Variants in MYT1L observed in about 807,000 individuals in gnomAD.
MYT1L encodes the protein myelin transcription factor 1 like, also known as myelin transcription factor 1-like protein.
A neutral mutation model predicts 126.7 loss-of-function variants in MYT1L; 12 were observed. That is an observed-to-expected ratio of 0.09 (90% CI 0.06 to 0.15). MYT1L has a LOEUF of 0.15. MYT1L is among the 10% of genes least tolerant of loss of function. The pLI, the probability that MYT1L is intolerant of heterozygous loss-of-function variation, is 1.00. For synonymous variants in MYT1L, 541 were observed against 604.2 expected (o/e 0.90, Z 1.53); for missense variants, 979 against 1,585.2 (o/e 0.62, Z 6.49).
chr2:2,024,637 C>T (rs1425554543), intron 4 of MYT1L, among the ~76,000 whole-genome samples: 1 of 152,122 alleles, frequency 6.6e-6, no homozygotes, highest in African/African-American at 2.4e-5. Flanking sequence ...TTTGTTGTTG[C>T]CATTGGTTTT....
In MYT1L at chr2:2,014,300, C is replaced by T. The variant is rs774539198; in HGVS notation, c.-157-16953G>A. Among the ~76,000 whole-genome samples, 27 of 151,950 alleles carry T rather than the reference C, an allele frequency of 1.8e-4. No individual in the cohort carries two copies. The Middle Eastern group carries it at 0.014, about 77-fold the overall frequency. ...ATAACCAGCCCTTGTCCTTGTGAAC[C>T]GCCTTTTGTGGGCGGTCTCCAAGTT... is the stretch of plus-strand genomic sequence containing the variant. On this transcript the variant is annotated intron_variant, in intron 4 of 24. Transcript: ENST00000647738.
chr2:2,126,863 C>T (rs2081769098), intron 3 of MYT1L, among the ~76,000 whole-genome samples: 1 of 152,186 alleles, frequency 6.6e-6, no homozygotes, highest in African/African-American at 2.4e-5. Flanking sequence ...ATTTTCATTC[C>T]TTGAGTTTCA....
chr2:2,044,978 A>G (rs1001912175), intron 4 of MYT1L, among the ~76,000 whole-genome samples: 1 of 152,168 alleles, frequency 6.6e-6, no homozygotes, highest in African/African-American at 2.4e-5. Flanking sequence ...TGGCACAAGT[A>G]GGAGGTGTTT....
At position 1,868,238 on chromosome 2, in the gene MYT1L, C is replaced by T. The variant is rs545503485; in HGVS notation, c.2712-16535G>A. Among the ~76,000 whole-genome samples, 6 of 152,326 alleles carry T rather than the reference C, an allele frequency of 3.9e-5. 1 individual carries two copies. In the South Asian group the frequency reaches 1.2e-3, roughly 32 times the overall value. ...TTGGCCTCCCAAAGTGCTGGGATTA[C>T]AGGTGTGAGCCACCGCGCCCGGCCT... is the stretch of plus-strand genomic sequence containing the variant. On this transcript the variant is annotated intron_variant, in intron 18 of 24. Transcript: ENST00000647738.
At chr2:1,982,216 T>G (rs2060660315) in intron 5 of MYT1L, among the ~76,000 whole-genome samples, 1 of 152,090 alleles carries the variant, frequency 6.6e-6, no homozygotes, top group Non-Finnish European at 1.5e-5. Context: ...AAAACAGCAT[T>G]CACATCCATG....
intron 21 of MYT1L, among the ~76,000 whole-genome samples, chr2:1,814,544 G>A (rs1456307630): frequency 6.6e-6 from 1 of 152,178 alleles, no homozygotes; most frequent in Non-Finnish European, 1.5e-5. Context: ...GCACAGCATA[G>A]AAAATGGAAA....
At chr2:1,866,321 G>A (rs971514499) in intron 18 of MYT1L, among the ~76,000 whole-genome samples, 12 of 152,138 alleles carry the variant, frequency 7.9e-5, no homozygotes, top group Non-Finnish European at 1.6e-4. Context: ...CTCTGGCCCC[G>A]TCGCCTGCTG....
At chr2:2,032,099 C>G (rs2932943) in intron 4 of MYT1L, among the ~76,000 whole-genome samples, 24 of 136,782 alleles carry the variant, frequency 1.8e-4, no homozygotes, top group South Asian at 5.1e-4. Context: ...ACACACACCC[C>G]TCGCCAGTGC....
In MYT1L at chr2:2,273,324, A is replaced by G. The variant is rs139785795; in HGVS notation, c.-421+11080T>C. ...TTTCCTTAAGGATTAAAACACATCT[A>G]GAAATGACCCCTGATAAATGAGATG... On this transcript the variant is annotated intron_variant, in intron 2 of 24. Transcript: ENST00000647738. Among the ~76,000 whole-genome samples, 7 of 152,344 alleles carry G rather than the reference A, an allele frequency of 4.6e-5. No individual in the cohort carries two copies. The East Asian group carries it at 9.7e-4, about 21-fold the overall frequency.
intron 4 of MYT1L, among the ~76,000 whole-genome samples, chr2:2,004,083 G>GCC (rs2062765324): frequency 3.0e-4 from 45 of 148,176 alleles, no homozygotes; most frequent in Non-Finnish European, 4.9e-4. Context: ...TCCTGCATAT[G>GCC]TTCTTTCCTG....
intron 2 of MYT1L, among the ~76,000 whole-genome samples, chr2:2,220,905 T>C (rs998379036): frequency 2.6e-5 from 4 of 152,010 alleles, no homozygotes; most frequent in Non-Finnish European, 4.4e-5. Flanking sequence ...ACGTTATTGA[T>C]GGTGATGATT....
chr2:1,967,559 G>A (rs1217747714), intron 8 of MYT1L, among the ~76,000 whole-genome samples: 1 of 152,206 alleles, frequency 6.6e-6, no homozygotes, highest in Non-Finnish European at 1.5e-5. Context: ...AAGCTTCTCT[G>A]CCAAAACCAT....
chr2:2,196,542 A>G (rs1410511719), intron 2 of MYT1L, among the ~76,000 whole-genome samples: 1 of 151,210 alleles, frequency 6.6e-6, no homozygotes, highest in Non-Finnish European at 1.5e-5. Flanking sequence ...TCACATTATA[A>G]TATGTGGTTT....
At chr2:1,961,561 G>T (rs941192080) in intron 8 of MYT1L, among the ~76,000 whole-genome samples, 1 of 152,226 alleles carries the variant, frequency 6.6e-6, no homozygotes, top group South Asian at 2.1e-4. Flanking sequence ...CTCTGCCATC[G>T]GGCTTCGTGC....
At chr2:1,828,509 G>C (rs2039677506) in intron 21 of MYT1L, 1 of 152,264 alleles carries the variant, frequency 6.6e-6, no homozygotes, top group Non-Finnish European at 1.5e-5. Flanking sequence ...CCGTATGAAA[G>C]TGTGTCGAAG....
rs1379025084 is a variant in MYT1L at position 1,852,046 on chromosome 2, G to C, written c.2712-343C>G. Among the ~76,000 whole-genome samples, 1 of 152,186 alleles carries C rather than the reference G, an allele frequency of 6.6e-6. No individual in the cohort carries two copies. Among genetic ancestry groups the C allele is most frequent in the Non-Finnish European group, 1.5e-5 (1 of 68,040 alleles). ...AAGCTCAGCAGAGCCAGCAACCACA[G>C]GGCTTGTTACTGCACCAGCCCACGT... is the stretch of plus-strand genomic sequence containing the variant. On this transcript the variant is annotated intron_variant, in intron 18 of 24. Coordinates refer to ENST00000647738, the MANE Select transcript of MYT1L (RefSeq NM_001303052.2). This position sits in a 1 kb window ranked among gnomAD's most constrained non-coding sequence, Gnocchi z 4.0.
chr2:2,311,161 T>A (rs994934315), intron 1 of MYT1L, among the ~76,000 whole-genome samples: 1 of 152,178 alleles, frequency 6.6e-6, no homozygotes, highest in Non-Finnish European at 1.5e-5. Context: ...AAATGACATG[T>A]AAGAAACTTA....
intron 21 of MYT1L, among the ~76,000 whole-genome samples, chr2:1,837,948 G>A (rs1049871209): frequency 6.7e-6 from 1 of 149,684 alleles, no homozygotes; most frequent in Non-Finnish European, 1.5e-5. Flanking sequence ...GTGTTGCTCT[G>A]TCACCCAGGC....
chr2:1,815,714 C>A (rs565954473), intron 21 of MYT1L, among the ~76,000 whole-genome samples: 1 of 152,250 alleles, frequency 6.6e-6, no homozygotes, highest in Non-Finnish European at 1.5e-5. Context: ...CCAGAACTCC[C>A]GGCCTCTCCG....
Sources: gnomAD v4.1 joint callset for allele counts (sites outside exome capture counted in the v4.1 genomes callset) on GRCh38, gnomAD v4.1.1 for gene constraint, Gnocchi (gnomAD v3.1) non-coding constraint, MANE v1.5 for transcripts, NCBI Gene and HGNC (gene_info 2026-07-23, HGNC 2026-07-21) for gene names.